GALNT13: variants seen among roughly 807,000 people sequenced by gnomAD.
GALNT13 encodes UDP-GalNAc:polypeptide N-acetylgalactosaminyltransferase 13.
GALNT13 carries 28 observed loss-of-function variants against 64.2 expected under a neutral mutation model. The observed-to-expected ratio is 0.44, with a 90% CI of 0.32 to 0.60. The LOEUF (loss-of-function observed/expected upper bound fraction) is 0.60, where lower values mean the gene tolerates loss of function less well. Among genes scored for constraint, GALNT13 ranks in the 20% least tolerant of loss-of-function variants. The probability of loss-of-function intolerance (pLI) is 0.05; values close to 1 mark genes in which losing one functional copy is unlikely to be tolerated. For synonymous variants in GALNT13, 214 were observed against 224.6 expected (o/e 0.95, Z 0.42); for missense variants, 577 against 669.8 (o/e 0.86, Z 1.53).
chr2:153,672,527 A>G, the GALNT13 span, among the ~76,000 whole-genome samples: 8 of 152,236 alleles, frequency 5.3e-5, no homozygotes, highest in Admixed American at 6.5e-5. Context: ...ACAACATACC[A>G]GAATCTCTGG....
At chr2:153,670,084 G>A in the GALNT13 span, among the ~76,000 whole-genome samples, 2 of 152,218 alleles carry the variant, frequency 1.3e-5, no homozygotes, top group African/African-American at 2.4e-5. Context: ...AAGGCCTAGT[G>A]CCACTCTAGA....
intron 12 of GALNT13, among the ~76,000 whole-genome samples, chr2:154,448,379 AG>A (rs1228601521): frequency 1.3e-5 from 2 of 152,018 alleles, no homozygotes; most frequent in African/African-American, 4.8e-5. Flanking sequence ...TTTAAACAAA[AG>A]GGAAAAACTG....
At chr2:153,921,807 A>G (rs1411621770) in intron 2 of GALNT13, among the ~76,000 whole-genome samples, 2 of 152,168 alleles carry the variant, frequency 1.3e-5, no homozygotes, top group African/African-American at 4.8e-5. Context: ...CAAACAACTA[A>G]CAAATATATC....
At chr2:154,379,536 T>C (rs1348106918) in intron 9 of GALNT13, among the ~76,000 whole-genome samples, 1 of 152,036 alleles carries the variant, frequency 6.6e-6, no homozygotes, top group African/African-American at 2.4e-5. Flanking sequence ...GCTGTTTGAT[T>C]CTCATGTATT....
intron 3 of GALNT13, among the ~76,000 whole-genome samples, chr2:154,076,376 A>G (rs1700988370): frequency 6.6e-6 from 1 of 151,798 alleles, no homozygotes; most frequent in South Asian, 2.1e-4. Flanking sequence ...AACAGAAAGT[A>G]TTCTTGCACA....
At chr2:154,245,661 T>C in intron 6 of GALNT13, 151 bp from the exon 7 acceptor site, 2 of 502,988 alleles carry the variant, frequency 4.0e-6, no homozygotes, top group South Asian at 7.0e-5. Flanking sequence ...AAGGAAATAA[T>C]TCCATGGACT....
intron 4 of GALNT13, among the ~76,000 whole-genome samples, chr2:154,228,914 CTA>C (rs1325901273): frequency 5.9e-5 from 9 of 152,124 alleles, no homozygotes; most frequent in African/African-American, 2.2e-4. Context: ...AGGTCAATTT[CTA>C]TGTTTATCAA....
At chr2:153,602,468 C>A in the GALNT13 span, among the ~76,000 whole-genome samples, 1 of 148,912 alleles carries the variant, frequency 6.7e-6, no homozygotes, top group Admixed American at 6.7e-5. Flanking sequence ...CATATAATAC[C>A]CTACTGGGAA....
intron 3 of GALNT13, among the ~76,000 whole-genome samples, chr2:154,026,707 T>C (rs1214660006): frequency 6.6e-6 from 1 of 152,176 alleles, no homozygotes; most frequent in African/African-American, 2.4e-5. Context: ...TGACCTCATT[T>C]AACCTTAATT....
chr2:154,045,851 C>T (rs925827609), intron 3 of GALNT13, among the ~76,000 whole-genome samples: 4 of 152,224 alleles, frequency 2.6e-5, no homozygotes, highest in African/African-American at 9.6e-5. Flanking sequence ...TCTTCTCACT[C>T]ACAAAGAAAA....
At chr2:153,459,446 A>G in the GALNT13 span, among the ~76,000 whole-genome samples, 1 of 152,122 alleles carries the variant, frequency 6.6e-6, no homozygotes, top group African/African-American at 2.4e-5. Context: ...ACCGCCTCTC[A>G]ACAACAACAA....
At chr2:154,000,775 T>A (rs59020136) in intron 3 of GALNT13, among the ~76,000 whole-genome samples, 1 of 151,826 alleles carries the variant, frequency 6.6e-6, no homozygotes, top group East Asian at 1.9e-4. Context: ...AGCTGATGGA[T>A]TGAATATTCT....
chr2:153,115,704 A>T, the GALNT13 span, among the ~76,000 whole-genome samples: 1 of 152,184 alleles, frequency 6.6e-6, no homozygotes, highest in East Asian at 1.9e-4. Flanking sequence ...GTACTGAAAA[A>T]TAAAATAAGT....
the GALNT13 span, among the ~76,000 whole-genome samples, chr2:153,455,192 C>T: frequency 6.6e-6 from 1 of 152,074 alleles, no homozygotes; most frequent in African/African-American, 2.4e-5. Context: ...CTTATAATTC[C>T]AGTGAACTTC....
chr2:153,200,306 G>T, the GALNT13 span, among the ~76,000 whole-genome samples: 1 of 152,248 alleles, frequency 6.6e-6, no homozygotes, highest in Non-Finnish European at 1.5e-5. Flanking sequence ...CTTACTTCAA[G>T]TCTGCTGGTT....
the GALNT13 span, among the ~76,000 whole-genome samples, chr2:153,863,160 G>A: frequency 6.6e-6 from 1 of 152,030 alleles, no homozygotes; most frequent in African/African-American, 2.4e-5. Context: ...AAATTTTCTT[G>A]TCTGGTACAC....
chr2:153,679,469 AC>A, the GALNT13 span, among the ~76,000 whole-genome samples: 2 of 151,912 alleles, frequency 1.3e-5, no homozygotes, highest in Non-Finnish European at 2.9e-5. Flanking sequence ...GAAAATGACA[AC>A]ATAAACTCAG....
the GALNT13 span, among the ~76,000 whole-genome samples, chr2:153,256,138 C>G: frequency 6.6e-6 from 1 of 151,914 alleles, no homozygotes; most frequent in African/African-American, 2.4e-5. Context: ...TCACATAGTC[C>G]CATATTTCTT....
At chr2:153,448,214 T>C in the GALNT13 span, among the ~76,000 whole-genome samples, 1 of 152,230 alleles carries the variant, frequency 6.6e-6, no homozygotes, top group Non-Finnish European at 1.5e-5. Flanking sequence ...CTTTATTTTT[T>C]CGTTGTATGT....
Sources: allele counts gnomAD v4.1 joint callset (sites outside exome capture counted in the v4.1 genomes callset), GRCh38; gene constraint gnomAD v4.1.1; transcripts MANE v1.5; gene names NCBI Gene and HGNC (gene_info 2026-07-23, HGNC 2026-07-21).